The following TRABD2B variants were observed in gnomAD, a reference collection of about 807,000 sequenced individuals.
TRABD2B encodes TraB domain containing 2B.
Under a neutral mutation model 40.1 loss-of-function variants are expected in TRABD2B, and 14 were observed. The ratio of observed to expected loss-of-function variants is 0.35; its 90% confidence interval spans 0.23 to 0.55. The LOEUF (loss-of-function observed/expected upper bound fraction) is 0.55, where lower values mean the gene tolerates loss of function less well. Among genes scored for constraint, TRABD2B ranks in the 20% least tolerant of loss-of-function variants. TRABD2B has a pLI of 0.90. For missense variants in TRABD2B, 541 were observed against 648.6 expected (o/e 0.83, Z 1.80); for synonymous variants, 263 against 277.0 (o/e 0.95, Z 0.50).
rs148048939 is a variant in TRABD2B at position 47,794,853 on chromosome 1, C to T, written c.814-93G>A. On this transcript the variant is annotated intron_variant, in intron 3 of 6. Coordinates refer to ENST00000606738, the MANE Select transcript of TRABD2B (RefSeq NM_001194986.2). ...TGTCACCCAGGTTGGAGTGCAGTGGCTCACTGCAGCCTCAACTCTCTGGCT... is the reference window on the plus strand; with the variant it reads ...TGTCACCCAGGTTGGAGTGCAGTGGTTCACTGCAGCCTCAACTCTCTGGCT... 1,897 of 1,213,122 alleles carry T rather than the reference C, an allele frequency of 1.6e-3. 20 individuals carry two copies. The African/African-American group carries it at 0.024, about 16-fold the overall frequency. 75.1% of individuals were successfully genotyped at this position (1,213,122 alleles called of 1,614,324 possible).
At chr1:47,774,264 GGA>G (rs1470914545) in intron 6 of TRABD2B, among the ~76,000 whole-genome samples, 1 of 152,152 alleles carries the variant, frequency 6.6e-6, no homozygotes. Context: ...GGGTCCAGAT[GGA>G]GAGTCTAAGG....
At chr1:47,970,978 T>C (rs574533902) in intron 2 of TRABD2B, among the ~76,000 whole-genome samples, 103 of 152,282 alleles carry the variant, frequency 6.8e-4, no homozygotes, top group African/African-American at 2.4e-3. Flanking sequence ...CCAAAGCAAG[T>C]GACATCGTCA....
chr1:47,820,879 A>G (rs771315704), intron 2 of TRABD2B, among the ~76,000 whole-genome samples: 3 of 152,128 alleles, frequency 2.0e-5, no homozygotes, highest in Non-Finnish European at 4.4e-5. Flanking sequence ...AGTTTTTAAA[A>G]TAATAAGACT....
At chr1:47,829,851 C>G (rs1645225845) in intron 2 of TRABD2B, among the ~76,000 whole-genome samples, 1 of 152,240 alleles carries the variant, frequency 6.6e-6, no homozygotes, top group Admixed American at 6.5e-5. Context: ...TCACTGAACA[C>G]TGGGGCCAGT....
chr1:47,905,686 C>T (rs1342186391), intron 2 of TRABD2B, among the ~76,000 whole-genome samples: 4 of 152,216 alleles, frequency 2.6e-5, no homozygotes, highest in African/African-American at 9.6e-5. Context: ...ATGTCTATCT[C>T]TCTGCCTCCT....
chr1:47,782,732 CG>C (rs1644542309), intron 4 of TRABD2B, among the ~76,000 whole-genome samples: 1 of 152,204 alleles, frequency 6.6e-6, no homozygotes, highest in Admixed American at 6.5e-5. Context: ...CAGAGCATGC[CG>C]TCCTCAGGAG....
At chr1:47,822,001 A>T (rs1473040518) in intron 2 of TRABD2B, among the ~76,000 whole-genome samples, 1 of 152,194 alleles carries the variant, frequency 6.6e-6, no homozygotes, top group East Asian at 1.9e-4. Flanking sequence ...GTAGACATTC[A>T]CACAGAGACG....
intron 2 of TRABD2B, among the ~76,000 whole-genome samples, chr1:47,912,622 G>A (rs1644777711): frequency 6.6e-6 from 1 of 152,158 alleles, no homozygotes; most frequent in African/African-American, 2.4e-5. Context: ...CTGGAGTGGT[G>A]GAGTTTTAAC....
intron 4 of TRABD2B, among the ~76,000 whole-genome samples, chr1:47,788,842 T>C (rs913311474): frequency 3.9e-5 from 6 of 152,132 alleles, no homozygotes; most frequent in Non-Finnish European, 8.8e-5. Context: ...GGTTACCTGG[T>C]CCACCCCTGA....
intron 2 of TRABD2B, among the ~76,000 whole-genome samples, chr1:47,896,560 ATGT>A (rs1644524753): frequency 1.3e-5 from 2 of 152,146 alleles, no homozygotes; most frequent in African/African-American, 2.4e-5. Flanking sequence ...CTTCCCAAAG[ATGT>A]TGTAGCGAGA....
chr1:47,955,252 A>G (rs542001982), intron 2 of TRABD2B, among the ~76,000 whole-genome samples: 6 of 152,176 alleles, frequency 3.9e-5, no homozygotes, highest in Non-Finnish European at 7.3e-5. Context: ...AGTTACAACT[A>G]CTACGTTAAG....
chr1:47,963,712 T>C (rs1449920361), intron 2 of TRABD2B, among the ~76,000 whole-genome samples: 2 of 152,202 alleles, frequency 1.3e-5, no homozygotes, highest in Admixed American at 6.5e-5. Flanking sequence ...GCATGTGTGG[T>C]ACATTATGTA....
At chr1:47,829,335 T>C (rs10890505) in intron 2 of TRABD2B, among the ~76,000 whole-genome samples, 103,351 of 151,874 alleles carry the variant, frequency 0.68, 35,492 homozygotes, top group South Asian at 0.83. Context: ...AGGGGCTCAG[T>C]TAGGGCAGGC....
At chr1:47,962,191 C>G (rs1645528677) in intron 2 of TRABD2B, among the ~76,000 whole-genome samples, 1 of 147,796 alleles carries the variant, frequency 6.8e-6, no homozygotes, top group Admixed American at 6.8e-5. Context: ...GGAAGGGGAA[C>G]ATCACACGCC....
At chr1:47,969,649 C>T (rs540174102) in intron 2 of TRABD2B, among the ~76,000 whole-genome samples, 16 of 152,294 alleles carry the variant, frequency 1.1e-4, no homozygotes, top group African/African-American at 3.9e-4. Flanking sequence ...TGACCTAGAA[C>T]ATATAAATGA....
At chr1:47,973,949 C>G (rs1301233165) in intron 2 of TRABD2B, among the ~76,000 whole-genome samples, 2 of 152,046 alleles carry the variant, frequency 1.3e-5, no homozygotes, top group Non-Finnish European at 2.9e-5. Context: ...ACAAAAAATA[C>G]AAAAATTAGC....
chr1:47,876,001 CACAA>C (rs1644220655), intron 2 of TRABD2B, among the ~76,000 whole-genome samples: 1 of 152,192 alleles, frequency 6.6e-6, no homozygotes. Context: ...AGAACAGTGT[CACAA>C]ACAAAGCCAA....
At chr1:47,896,269 A>G (rs1325347966) in intron 2 of TRABD2B, among the ~76,000 whole-genome samples, 1 of 152,162 alleles carries the variant, frequency 6.6e-6, no homozygotes, top group African/African-American at 2.4e-5. Context: ...CAGGGCCTAG[A>G]GGGAAGAGAG....
intron 6 of TRABD2B, among the ~76,000 whole-genome samples, chr1:47,770,803 G>A (rs1484851431): frequency 6.6e-6 from 1 of 152,234 alleles, no homozygotes; most frequent in Non-Finnish European, 1.5e-5. Context: ...TTAAGGGTTT[G>A]GCCAAAGGCC....
Sources: allele counts gnomAD v4.1 joint callset (sites outside exome capture counted in the v4.1 genomes callset), GRCh38; gene constraint gnomAD v4.1.1; transcripts MANE v1.5; gene names NCBI Gene and HGNC (gene_info 2026-07-23, HGNC 2026-07-21).